Variants in TBX1 observed in about 807,000 individuals in gnomAD.
TBX1 encodes the protein T-box transcription factor 1, also known as T-box transcription factor TBX1.
In TBX1, 16 loss-of-function variants were observed where a neutral mutation model predicts 40.8. The observed-to-expected ratio is 0.39, with a 90% CI of 0.27 to 0.60. The LOEUF is 0.60. TBX1 is among the 20% of genes least tolerant of loss of function. TBX1 has a pLI of 0.51. For missense variants in TBX1, 755 were observed against 728.5 expected, an observed-to-expected ratio of 1.04 and a Z score of -0.42; for synonymous variants, 403 against 336.8, an observed-to-expected ratio of 1.20 and a Z score of -2.15.
exon 9 of TBX1, chr22:19,779,497 G>T: frequency 6.3e-7 from 1 of 1,584,416 alleles, no homozygotes; most frequent in South Asian, 1.1e-5. Context: ...AAAAAACAGT[G>T]ACTTGTTCAG....
chr22:19,773,521 C>A (rs960913285), intron 8 of TBX1, among the ~76,000 whole-genome samples: 5 of 152,188 alleles, frequency 3.3e-5, no homozygotes, highest in African/African-American at 1.2e-4. Flanking sequence ...CCTTGGAGGA[C>A]CCTCCCTCCA....
intron 2 of TBX1, 142 bp downstream of exon 2, chr22:19,763,484 C>T (rs1264470430): frequency 1.4e-6 from 1 of 709,620 alleles, no homozygotes; most frequent in African/African-American, 1.7e-5. Flanking sequence ...AACCCGCTCC[C>T]TCCTCCACTC....
upstream of TBX1, among the ~76,000 whole-genome samples, chr22:19,760,577 C>CCGAG (rs1378712320): frequency 2.9e-5 from 4 of 136,366 alleles, no homozygotes; most frequent in Admixed American, 2.1e-4. Context: ...GGGCCCCGGG[C>CCGAG]CGAGCGAGCC....
chr22:19,778,217 C>T (rs41298646), intron 8 of TBX1, among the ~76,000 whole-genome samples: 4 of 151,690 alleles, frequency 2.6e-5, no homozygotes, highest in African/African-American at 7.3e-5. Flanking sequence ...TCCTCAGTCT[C>T]CCGAACAGCT....
rs765827356 is a variant in TBX1 at position 19,766,751 on chromosome 22, C to T, written c.1399C>T (p.Pro467Ser). The change falls in exon 7 of 7, where the codon CCC becomes TCC. Residue 467 changes from proline to serine, a missense_variant. Around this residue, in one of 3 missense-constraint regions of TBX1, gnomAD observed 412 missense variants for 317.6 expected, o/e 1.30. Transcript: ENST00000649276. Reference protein sequence around the residue: ...PHAHPHHHHHPVSPAAAAAAA... With the variant: ...PHAHPHHHHHSVSPAAAAAAA... ...CGCGCATCCGCACCACCACCACCAC[C>T]CCGTGAGTCCAGCCGCCGCGGCCGC... 10 of 1,531,516 alleles carry T rather than the reference C, an allele frequency of 6.5e-6. No homozygotes were observed. The highest frequency in any genetic ancestry group is 7.8e-6 in the Non-Finnish European group (9 of 1,151,360). The allele number at this position is 1,531,516 out of a possible 1,614,324, so 94.9% of individuals were successfully genotyped here. A position where few individuals can be genotyped will look rare whatever the true frequency, so the allele number is the denominator to read the frequency against.
At chr22:19,766,269 G>A in intron 6 of TBX1, 120 bp from the exon 7 acceptor site, 2 of 1,180,824 alleles carry the variant, frequency 1.7e-6, no homozygotes, top group Non-Finnish European at 2.1e-6. Context: ...CGCTGGCACC[G>A]ACTGGTCGGG....
downstream of TBX1, among the ~76,000 whole-genome samples, chr22:19,780,776 G>GGTTTTTTTTT (rs1555898567): frequency 6.7e-5 from 8 of 119,108 alleles, no homozygotes; most frequent in African/African-American, 2.7e-4. Context: ...CTTGTTTTCT[G>GGTTTTTTTTT]TTTTTTTTTT....
At chr22:19,758,510 G>T (rs923038961), upstream of TBX1, among the ~76,000 whole-genome samples, 1 of 152,216 alleles carries the variant, frequency 6.6e-6, no homozygotes, top group Non-Finnish European at 1.5e-5. Flanking sequence ...GCAGAGCGGC[G>T]GGCCTCGGCC....
At position 19,766,806 on chromosome 22, in the gene TBX1, C is replaced by A; in HGVS notation, c.1454C>A (p.Ala485Asp). Reference sequence around the variant, plus strand: ...GCCGCTGCCGCAGCTGCCGCGGCCGCCAACATGTACTCGTCGGCCGGAGCC... The same window carrying A: ...GCCGCTGCCGCAGCTGCCGCGGCCGACAACATGTACTCGTCGGCCGGAGCC... ...AAAAAAAAAA[A>D]NMYSSAGAAP... Residue 485 changes from alanine to aspartate, a missense_variant, in exon 7 of 7, where the codon GCC (alanine) becomes GAC (aspartate). Physicochemically the swap from Ala to Asp is moderately radical, Grantham distance 126 (BLOSUM62 -2). This residue lies in a region of TBX1 where 412 missense variants were observed against 317.6 expected (regional missense o/e 1.30). Transcript: ENST00000649276. 6.5e-7 allele frequency: 1 copy of A among 1,533,822 alleles called. No homozygotes were observed. The highest frequency in any genetic ancestry group is 2.1e-5 in the Admixed American group (1 of 48,328).
intron 8 of TBX1, among the ~76,000 whole-genome samples, chr22:19,777,144 T>C (rs999235787): frequency 6.6e-6 from 1 of 152,180 alleles, no homozygotes; most frequent in Non-Finnish European, 1.5e-5. Context: ...ATGTGCCATG[T>C]TGGTGTGCTG....
At position 19,766,809 on chromosome 22, in the gene TBX1, A is replaced by G. The variant is rs1443840436; in HGVS notation, c.1457A>G (p.Asn486Ser). The G allele has an allele frequency of 1.9e-6, 3 of 1,548,880 alleles. No homozygotes were observed. The highest frequency in any genetic ancestry group is 1.2e-5 in the South Asian group (1 of 85,764). Residue 486 changes from asparagine to serine, a missense_variant, in exon 7 of 7, where the codon AAC becomes AGC. Physicochemically the swap from Asn to Ser is conservative, Grantham distance 46 (BLOSUM62 1). Coordinates refer to ENST00000649276, the MANE Select transcript of TBX1 (RefSeq NM_001379200.1). ...AAAAAAAAAA[N>S]MYSSAGAAPP... ...GCTGCCGCAGCTGCCGCGGCCGCCA[A>G]CATGTACTCGTCGGCCGGAGCCGCG...
At chr22:19,768,139 T>C (rs897042972), downstream of TBX1, among the ~76,000 whole-genome samples, 11 of 152,194 alleles carry the variant, frequency 7.2e-5, no homozygotes, top group African/African-American at 2.7e-4. Context: ...GGCTGCTGAC[T>C]TGGACACAAG....
In TBX1 at chr22:19,761,069, C is replaced by A. The variant is rs1936643083; in HGVS notation, c.226C>A (p.Pro76Thr). The change falls in exon 1 of 7, where the codon CCG becomes ACG. Residue 76 changes from proline to threonine, a missense_variant. Coordinates refer to ENST00000649276, the MANE Select transcript of TBX1 (RefSeq NM_001379200.1). ...CGGCGCCCCGGGCCCGCCGCCGCCG[C>A]CGCACGCCTACCCGTTTGCGCCGGC... ...APGAPGPPPP[P>T]HAYPFAPAAG... 2.1e-6 allele frequency: 2 copies of A among 940,066 alleles called. No individual in the cohort carries two copies. Among genetic ancestry groups the A allele is most frequent in the Non-Finnish European group, 2.6e-6 (2 of 784,190 alleles). The allele number at this position is 940,066 out of a possible 1,614,324, so 58.2% of individuals were successfully genotyped here. A position where few individuals can be genotyped will look rare whatever the true frequency, so the allele number is the denominator to read the frequency against.
In TBX1 at chr22:19,766,324, C is replaced by A. The variant is rs1276016053; in HGVS notation, c.1037-65C>A. The A allele has an allele frequency of 3.3e-6, 4 of 1,230,030 alleles. No individual in the cohort carries two copies. In the East Asian group the frequency reaches 1.0e-4, roughly 32 times the overall value. 76.2% of individuals were successfully genotyped at this position (1,230,030 alleles called of 1,614,324 possible). ...GAGCCTTCTCTCCGCCAGGGCCTCGCATGGGGCGTCGGAGCTCCTCGGCGG... is the reference window on the plus strand; with the variant it reads ...GAGCCTTCTCTCCGCCAGGGCCTCGAATGGGGCGTCGGAGCTCCTCGGCGG... On this transcript the variant is annotated intron_variant, in intron 6 of 6. Transcript: ENST00000649276.
At chr22:19,767,448 G>A (rs551216596), downstream of TBX1, 204 of 953,538 alleles carry the variant, frequency 2.1e-4, 1 homozygote, top group African/African-American at 3.4e-3. Context: ...AATCCCTGCC[G>A]ACTGTAGGTC....
At chr22:19,761,384 G>T (rs993488812) in intron 1 of TBX1, 104 bp downstream of exon 1, 620 of 1,285,516 alleles carry the variant, frequency 4.8e-4, no homozygotes, top group Non-Finnish European at 5.9e-4. Context: ...CGGGTCGGGG[G>T]CGCGGCCTGG....
chr22:19,762,673 C>CT (rs1250881861), intron 1 of TBX1, among the ~76,000 whole-genome samples: 5 of 152,028 alleles, frequency 3.3e-5, no homozygotes, highest in Non-Finnish European at 1.5e-5. Context: ...TGGGGAGACT[C>CT]TTATCATGGG....
chr22:19,772,313 T>G (rs1937002195), downstream of TBX1, among the ~76,000 whole-genome samples: 1 of 147,350 alleles, frequency 6.8e-6, no homozygotes. Flanking sequence ...TGTTGGCCTT[T>G]TTTTCTTTTT....
At chr22:19,768,964 T>TTTTTTTTTTTTTTTTA, downstream of TBX1, among the ~76,000 whole-genome samples, 1 of 136,904 alleles carries the variant, frequency 7.3e-6, no homozygotes, top group Non-Finnish European at 1.6e-5. Flanking sequence ...TTTTTTTTTT[T>TTTTTTTTTTTTTTTTA]TTTTTTTTTT....
Sources: gnomAD v4.1 joint callset for allele counts (sites outside exome capture counted in the v4.1 genomes callset) on GRCh38, gnomAD v4.1.1 for gene constraint, gnomAD v4.1.1 regional missense constraint, MANE v1.5 for transcripts, NCBI Gene and HGNC (gene_info 2026-07-23, HGNC 2026-07-21) for gene names.